GLRA3: variants seen among roughly 807,000 people sequenced by gnomAD.
GLRA3 encodes glycine receptor subunit alpha-3.
In GLRA3, 44 loss-of-function variants were observed where a neutral mutation model predicts 60.4. That is an observed-to-expected ratio of 0.73 (90% CI 0.57 to 0.94). The LOEUF is 0.94. Ranked by LOEUF, GLRA3 falls within the 40% of genes least tolerant of loss-of-function variation. The pLI, the probability that GLRA3 is intolerant of heterozygous loss-of-function variation, is 0.00. For missense variants in GLRA3, 508 were observed against 564.6 expected, an observed-to-expected ratio of 0.90 and a Z score of 1.02; for synonymous variants, 223 against 192.9, an observed-to-expected ratio of 1.16 and a Z score of -1.29.
At chr4:174,706,282 G>A (rs1386661957) in intron 5 of GLRA3, among the ~76,000 whole-genome samples, 4 of 151,940 alleles carry the variant, frequency 2.6e-5, no homozygotes, top group Non-Finnish European at 4.4e-5. Flanking sequence ...GGAATGATCC[G>A]ATGGGTCAAG....
Position 174,806,167 on chromosome 4 carries a change from A to G in GLRA3, c.72-17224T>C, listed in dbSNP as rs6846431. Among the ~76,000 whole-genome samples, 1,517 of 152,242 alleles carry G rather than the reference A, an allele frequency of 1.0e-2. 30 individuals carry two copies. The highest frequency in any genetic ancestry group is 0.034 in the African/African-American group (1,428 of 41,532). On this transcript the variant is annotated intron_variant, in intron 1 of 9. Coordinates refer to ENST00000274093, the MANE Select transcript of GLRA3 (RefSeq NM_006529.4). ...GTTCAATATTGTTAATTAGCATTTA[A>G]AATAATTAAGCTTAAAATTATAAAC...
intron 2 of GLRA3, among the ~76,000 whole-genome samples, chr4:174,770,134 G>A (rs1579577951): frequency 6.6e-6 from 1 of 152,034 alleles, no homozygotes; most frequent in East Asian, 1.9e-4. Context: ...TTCTCTAGAT[G>A]GCTATTTATC....
At chr4:174,798,942 G>T (rs978426869) in intron 1 of GLRA3, among the ~76,000 whole-genome samples, 1 of 151,512 alleles carries the variant, frequency 6.6e-6, no homozygotes, top group East Asian at 1.9e-4. Flanking sequence ...AAAAAAAAAA[G>T]ATTTTTAAAA....
rs1210976329 is a variant in GLRA3, at chr4:174,641,388, T to C, written c.*2398A>G. On this transcript the variant is annotated 3_prime_UTR_variant, in exon 10 of 10. Coordinates refer to ENST00000274093, the MANE Select transcript of GLRA3 (RefSeq NM_006529.4). ...TAATTTTTCAGTTTTAAAAGGTCTA[T>C]AAGAGTTCGAAGGAGGAGACACATT... 1 of 152,104 alleles carries C rather than the reference T, an allele frequency of 6.6e-6. No individual in the cohort carries two copies. Among genetic ancestry groups the C allele is most frequent in the Non-Finnish European group, 1.5e-5 (1 of 67,960 alleles). The allele number at this position is 152,104 out of a possible 1,614,324, so 9.4% of individuals were successfully genotyped here.
At chr4:174,703,947 G>C (rs1735417201) in intron 5 of GLRA3, among the ~76,000 whole-genome samples, 1 of 152,018 alleles carries the variant, frequency 6.6e-6, no homozygotes, top group African/African-American at 2.4e-5. Flanking sequence ...ATTTGATTTA[G>C]GGGAATTGAA....
At chr4:174,677,521 G>C (rs1040160475) in intron 6 of GLRA3, among the ~76,000 whole-genome samples, 1 of 140,498 alleles carries the variant, frequency 7.1e-6, no homozygotes, top group East Asian at 1.9e-4. Flanking sequence ...CACCAAGCCC[G>C]GCTAATTTTT....
intron 2 of GLRA3, among the ~76,000 whole-genome samples, chr4:174,778,630 G>A (rs1291783684): frequency 1.3e-5 from 2 of 152,232 alleles, no homozygotes; most frequent in East Asian, 1.9e-4. Flanking sequence ...CACCGTGCGC[G>A]AGCCGAAGCA....
intron 5 of GLRA3, among the ~76,000 whole-genome samples, chr4:174,706,114 CA>C: frequency 6.6e-6 from 1 of 151,904 alleles, no homozygotes. Context: ...CCTGTAGTCC[CA>C]GCTACTCGGG....
intron 9 of GLRA3, among the ~76,000 whole-genome samples, chr4:174,651,879 C>T (rs1368547031): frequency 2.0e-5 from 3 of 152,090 alleles, no homozygotes; most frequent in South Asian, 2.1e-4. Context: ...CATGTGGAGT[C>T]ATATCAGACC....
chr4:174,820,020 G>T (rs969531116), intron 1 of GLRA3, among the ~76,000 whole-genome samples: 1 of 152,124 alleles, frequency 6.6e-6, no homozygotes, highest in Admixed American at 6.5e-5. Context: ...GGTATGAAGC[G>T]TTATTTTAGT....
chr4:174,770,461 G>A (rs1229891441), intron 2 of GLRA3, among the ~76,000 whole-genome samples: 1 of 152,068 alleles, frequency 6.6e-6, no homozygotes, highest in Non-Finnish European at 1.5e-5. Flanking sequence ...AATACAGAGA[G>A]AGGAGTCAGG....
chr4:174,733,923 T>C (rs1042101484), intron 3 of GLRA3, among the ~76,000 whole-genome samples: 14 of 152,182 alleles, frequency 9.2e-5, no homozygotes, highest in African/African-American at 2.7e-4. Context: ...TGGCAATGTG[T>C]TACAGTAGCA....
chr4:174,702,819 C>A (rs1457341022), intron 5 of GLRA3, among the ~76,000 whole-genome samples: 4 of 152,154 alleles, frequency 2.6e-5, no homozygotes, highest in African/African-American at 9.7e-5. Context: ...CCTCATGCTT[C>A]TTTAGAAAAT....
rs1561027372 is a variant in GLRA3, at chr4:174,642,876, A to G, written c.*910T>C. 1 of 716,678 alleles carries G rather than the reference A, an allele frequency of 1.4e-6. No homozygotes were observed. Among genetic ancestry groups the G allele is most frequent in the Non-Finnish European group, 1.7e-6 (1 of 585,356 alleles). 44.4% of individuals were successfully genotyped at this position (716,678 alleles called of 1,614,324 possible). On this transcript the variant is annotated 3_prime_UTR_variant, in exon 10 of 10. Transcript: ENST00000274093. ...AATGTAAATACTTTAATCCCATTGA[A>G]TTTTAAAGTCACATTCTAAACTAAA...
chr4:174,701,001 C>T (rs1447152966), intron 5 of GLRA3, among the ~76,000 whole-genome samples: 1 of 152,128 alleles, frequency 6.6e-6, no homozygotes, highest in Non-Finnish European at 1.5e-5. Flanking sequence ...AGCAAGATAT[C>T]CAGAAGACCT....
intron 2 of GLRA3, among the ~76,000 whole-genome samples, chr4:174,775,825 A>G (rs1738574989): frequency 6.6e-6 from 1 of 152,192 alleles, no homozygotes; most frequent in African/African-American, 2.4e-5. Context: ...CTTTCTGAAG[A>G]CATAAAAATG....
Position 174,828,769 on chromosome 4 carries a change from A to G in GLRA3, c.43T>C (p.Tyr15His). 6.2e-7 allele frequency: 1 copy of G among 1,612,188 alleles called. No homozygotes were observed. Among genetic ancestry groups the G allele is most frequent in the Non-Finnish European group, 8.5e-7 (1 of 1,178,206 alleles). ...RHFRTLVSGF[Y>H]FWEAALLLSL... Reference sequence around the variant, plus strand: ...AGTAACAGTGCTGCTTCCCAGAAGTAAAATCCCGAAACTAATGTCCGAAAG... The same window carrying G: ...AGTAACAGTGCTGCTTCCCAGAAGTGAAATCCCGAAACTAATGTCCGAAAG... Residue 15 changes from tyrosine to histidine, a missense_variant, in exon 1 of 10, where the codon TAC becomes CAC. Coordinates refer to ENST00000274093, the MANE Select transcript of GLRA3 (RefSeq NM_006529.4).
chr4:174,715,632 A>G (rs1002254311), intron 4 of GLRA3, 62 bp from the exon 5 acceptor site: 13 of 741,084 alleles, frequency 1.8e-5, no homozygotes, highest in Non-Finnish European at 3.0e-5. Context: ...ATTCTATTGT[A>G]CAGGAGAAAC....
At chr4:174,827,409 A>G (rs1022028820) in intron 1 of GLRA3, among the ~76,000 whole-genome samples, 17 of 151,672 alleles carry the variant, frequency 1.1e-4, no homozygotes, top group African/African-American at 4.1e-4. Flanking sequence ...TTTGAAAAAA[A>G]TGTATTTTAC....
Sources: gnomAD v4.1 joint callset for allele counts (sites outside exome capture counted in the v4.1 genomes callset) on GRCh38, gnomAD v4.1.1 for gene constraint, MANE v1.5 for transcripts, NCBI Gene and HGNC (gene_info 2026-07-23, HGNC 2026-07-21) for gene names.